Variants in RUVBL1 observed in about 807,000 individuals in gnomAD.
The protein encoded by RUVBL1 is RuvB like AAA ATPase 1.
Under a neutral mutation model 52.4 loss-of-function variants are expected in RUVBL1, and 4 were observed. The ratio of observed to expected loss-of-function variants is 0.08; its 90% CI spans 0.04 to 0.17. The LOEUF (loss-of-function observed/expected upper bound fraction) is 0.17. Ranked by LOEUF, RUVBL1 falls within the 10% of genes least tolerant of loss-of-function variation. The pLI is 1.00. For missense variants in RUVBL1, 298 were observed against 572.8 expected (o/e 0.52, Z 4.90); for synonymous variants, 217 against 214.4 (o/e 1.01, Z -0.10).
At chr3:128,148,400 C>T (rs1944135511) in intron 1 of RUVBL1, among the ~76,000 whole-genome samples, 1 of 152,124 alleles carries the variant, frequency 6.6e-6, no homozygotes, top group African/African-American at 2.4e-5. Flanking sequence ...CAGTTTGCTG[C>T]TTAAAAAACT....
intron 1 of RUVBL1, among the ~76,000 whole-genome samples, chr3:128,133,352 G>T (rs1943907900): frequency 6.6e-6 from 1 of 152,192 alleles, no homozygotes; most frequent in Non-Finnish European, 1.5e-5. Flanking sequence ...AGCCTGGCTA[G>T]ATTCACCAGA....
At chr3:128,118,501 T>C (rs1345223430) in intron 2 of RUVBL1, among the ~76,000 whole-genome samples, 1 of 152,188 alleles carries the variant, frequency 6.6e-6, no homozygotes, top group Admixed American at 6.5e-5. Context: ...TAAAGCCCAT[T>C]TCTTTTCACA....
upstream of RUVBL1, among the ~76,000 whole-genome samples, chr3:128,126,721 T>G (rs1457935097): frequency 6.6e-6 from 1 of 152,172 alleles, no homozygotes; most frequent in African/African-American, 2.4e-5. Flanking sequence ...TTTCTTTCAT[T>G]TCAACAGAAA....
At chr3:128,153,654 C>G (rs950126681) in exon 1 of RUVBL1, 5 of 1,598,514 alleles carry the variant, frequency 3.1e-6, no homozygotes, top group Admixed American at 3.3e-5. Flanking sequence ...GCATCACGCT[C>G]GATCTGGGCT....
Position 128,153,224 on chromosome 3 carries a change from A to T in RUVBL1, c.-61T>A, listed in dbSNP as rs543689255. ...TCACCCAGAAAGTCCAAATGGCTTC[A>T]CTTCTCAGAAGGATCCCTCCATCTC... On this transcript the variant is annotated 5_prime_UTR_variant, in exon 1 of 10. Transcript: ENST00000464873. The T allele has an allele frequency of 3.8e-6, 5 of 1,325,676 alleles. No individual in the cohort carries two copies. The East Asian group carries it at 1.6e-4, about 43-fold the overall frequency. The allele number at this position is 1,325,676 out of a possible 1,614,324, so 82.1% of individuals were successfully genotyped here.
chr3:128,153,421 G>T lies in RUVBL1; in HGVS notation c.-258C>A, dbSNP rs998809633. The T allele has an allele frequency of 5.4e-5, 77 of 1,419,526 alleles. No individual in the cohort carries two copies. The African/African-American group carries it at 1.1e-3, about 20-fold the overall frequency. 87.9% of individuals were successfully genotyped at this position (1,419,526 alleles called of 1,614,324 possible). On this transcript the variant is annotated 5_prime_UTR_variant, in exon 1 of 10. Transcript: ENST00000464873. Reference sequence around the variant, plus strand: ...GGGTGTGCACAGCGCGCCGGTTACGGGGGGGCAACTTAACGGGCCGGACCG... The same window carrying T: ...GGGTGTGCACAGCGCGCCGGTTACGTGGGGGCAACTTAACGGGCCGGACCG...
intron 9 of RUVBL1, chr3:128,084,767 T>C (rs971875962): frequency 3.9e-5 from 6 of 152,234 alleles, no homozygotes; most frequent in African/African-American, 1.4e-4. Flanking sequence ...ACATTGAGTT[T>C]GTTTAAAAAC....
chr3:128,134,852 T>TA (rs1167497111), intron 1 of RUVBL1, among the ~76,000 whole-genome samples: 4 of 150,474 alleles, frequency 2.7e-5, no homozygotes, highest in South Asian at 4.2e-4. Flanking sequence ...GGGAAAAATT[T>TA]AAAAAAAAGA....
Position 128,082,373 on chromosome 3 carries a change from G to T in RUVBL1, c.1211+110C>A. On this transcript the variant is annotated intron_variant, in intron 10 of 10. Coordinates refer to ENST00000322623, the MANE Select transcript of RUVBL1 (RefSeq NM_003707.3). This position sits in a 1 kb window ranked among gnomAD's most constrained non-coding sequence, Gnocchi z 4.7. ...CCCATCGCGCCAGGAAGAGCGGATG[G>T]ATAGAGTCCCATGCCCTAGGAAGGG... The T allele has an allele frequency of 1.3e-6, 1 of 792,690 alleles. No individual in the cohort carries two copies. The highest frequency in any genetic ancestry group is 1.5e-5 in the South Asian group (1 of 68,410). 49.1% of individuals were successfully genotyped at this position (792,690 alleles called of 1,614,324 possible). A position where few individuals can be genotyped will look rare whatever the true frequency, so the allele number is the denominator to read the frequency against.
chr3:128,101,454 T>G, intron 5 of RUVBL1, 105 bp downstream of exon 5: 1 of 1,020,738 alleles, frequency 9.8e-7, no homozygotes, highest in Non-Finnish European at 1.5e-6. Context: ...CACCAGCCCC[T>G]CCCCACACAC....
intron 1 of RUVBL1, among the ~76,000 whole-genome samples, chr3:128,151,288 T>C (rs1475865608): frequency 6.9e-6 from 1 of 145,376 alleles, no homozygotes; most frequent in African/African-American, 2.5e-5. Flanking sequence ...TATAGATATA[T>C]AAACTATATC....
intron 1 of RUVBL1, among the ~76,000 whole-genome samples, chr3:128,133,552 G>A (rs957453012): frequency 5.8e-5 from 4 of 68,776 alleles, no homozygotes; most frequent in African/African-American, 1.2e-4. Flanking sequence ...GAGAGACTCT[G>A]TTTGTTCCTG....
At chr3:128,116,349 T>C (rs1276500480) in intron 2 of RUVBL1, among the ~76,000 whole-genome samples, 1 of 151,862 alleles carries the variant, frequency 6.6e-6, no homozygotes, top group East Asian at 1.9e-4. Context: ...GAGACCAGCC[T>C]GACCAACATG....
chr3:128,126,864 G>A (rs927157532), upstream of RUVBL1, among the ~76,000 whole-genome samples: 2 of 152,194 alleles, frequency 1.3e-5, no homozygotes, highest in African/African-American at 4.8e-5. Flanking sequence ...TTTCCTTCAG[G>A]AAATGACCGT....
chr3:128,124,684 G>A (rs1001250006), upstream of RUVBL1, among the ~76,000 whole-genome samples: 15 of 152,274 alleles, frequency 9.9e-5, no homozygotes, highest in East Asian at 1.5e-3. Context: ...GTCTTGATGC[G>A]TTTACTTCTT....
At chr3:128,089,852 G>C (rs1942777375) in intron 8 of RUVBL1, among the ~76,000 whole-genome samples, 1 of 131,122 alleles carries the variant, frequency 7.6e-6, no homozygotes, top group African/African-American at 2.8e-5. Context: ...AGAGGTTGCA[G>C]TGAGCCAAGA....
At chr3:128,116,497 C>A (rs1943525537) in intron 2 of RUVBL1, among the ~76,000 whole-genome samples, 1 of 151,464 alleles carries the variant, frequency 6.6e-6, no homozygotes, top group African/African-American at 2.4e-5. Context: ...CCACTGTACT[C>A]CACCCTGGGC....
intron 3 of RUVBL1, among the ~76,000 whole-genome samples, chr3:128,109,857 C>T (rs9867438): frequency 0.093 from 10,841 of 116,576 alleles, 1,114 homozygotes; most frequent in East Asian, 0.4. Flanking sequence ...TCTCTGTTAC[C>T]CAGGCTGAAG....
Position 128,087,718 on chromosome 3 carries a change from C to T in RUVBL1, c.1107G>A (p.Gln369=), listed in dbSNP as rs372205410. The T allele has an allele frequency of 5.6e-6, 9 of 1,612,976 alleles. No individual in the cohort carries two copies. Among genetic ancestry groups the T allele is most frequent in the Non-Finnish European group, 6.8e-6 (8 of 1,179,268 alleles). The change falls in exon 9 of 11, where the codon CAG becomes CAA. Residue 369 remains glutamine (Q), a synonymous_variant. Transcript: ENST00000322623. ...AAGGGAGGCTCACCTGTTTCATTTC[C>T]TGTGGAGTATACAGCATGGTCCGGA... is the stretch of plus-strand genomic sequence containing the variant. ...MIIRTMLYTP[Q]EMKQIIKIRA...
Sources: allele counts gnomAD v4.1 joint callset (sites outside exome capture counted in the v4.1 genomes callset), GRCh38; gene constraint gnomAD v4.1.1; non-coding constraint Gnocchi (gnomAD v3.1); transcripts MANE v1.5; gene names NCBI Gene and HGNC (gene_info 2026-07-23, HGNC 2026-07-21).